The following HDAC6 variants were observed in gnomAD, a reference collection of about 807,000 sequenced individuals.
HDAC6 encodes protein deacetylase HDAC6.
Under a neutral mutation model 88.9 loss-of-function variants are expected in HDAC6, and 5 were observed. That is an observed-to-expected ratio of 0.06 (90% CI 0.03 to 0.12). The LOEUF (loss-of-function observed/expected upper bound fraction) is 0.12. HDAC6 is among the 10% of genes least tolerant of loss of function. The pLI is 1.00. For missense variants in HDAC6, 706 were observed against 1,014.4 expected (o/e 0.70, Z 4.13); for synonymous variants, 378 against 398.0 (o/e 0.95, Z 0.60).
Position 48,802,681 on chromosome X carries a change from G to T in HDAC6, c.-12G>T, listed in dbSNP as rs1848211091. The T allele has an allele frequency of 8.3e-7, 1 of 1,201,580 alleles. No individual in the cohort carries two copies. The highest frequency in any genetic ancestry group is 1.1e-6 in the Non-Finnish European group (1 of 890,522). Reference sequence around the variant, plus strand: ...CCCCCAGAACCGCGGCAGGGGCCAAGCCTCCTCAACTATGACCTCAACCGG... The same window carrying T: ...CCCCCAGAACCGCGGCAGGGGCCAATCCTCCTCAACTATGACCTCAACCGG... On this transcript the variant is annotated 5_prime_UTR_variant, in exon 2 of 29. Transcript: ENST00000334136.
In HDAC6 at chrX:48,824,305, G is replaced by A; in HGVS notation, c.3579+11G>A. On this transcript the variant is annotated intron_variant, in intron 28 of 28. Transcript: ENST00000334136. ...TATGTCCACCACCAGGTGGGCCCTG[G>A]GTAGACCCTTCGACACGTGCACACT... is the stretch of plus-strand genomic sequence containing the variant. 1 of 1,205,159 alleles carries A rather than the reference G, an allele frequency of 8.3e-7. No individual in the cohort carries two copies. Among genetic ancestry groups the A allele is most frequent in the South Asian group, 1.8e-5 (1 of 55,588 alleles).
rs781865210 is a variant in HDAC6, at chrX:48,805,443, C to G, written c.317C>G (p.Pro106Arg). ...EFHCLWDDSFPEGPERLHAIK... is the reference protein window; with the variant it reads ...EFHCLWDDSFREGPERLHAIK... The stretch of plus-strand genomic sequence containing the variant: ...CTGTGACTCCATCTCCCCAGCTTCC[C>G]GGAAGGCCCTGAGCGGCTCCATGCC... The change falls in exon 5 of 29, where the codon CCG becomes CGG. Residue 106 changes from proline to arginine, a missense_variant. Transcript: ENST00000334136. The G allele has an allele frequency of 2.5e-6, 3 of 1,206,698 alleles. No individual in the cohort carries two copies. In the South Asian group the frequency reaches 5.3e-5, roughly 21 times the overall value.
chrX:48,818,053 G>A lies in HDAC6; in HGVS notation c.1938G>A (p.Val646=), dbSNP rs782621164. ...GTCTCCTCCCCAGGATCCTGATTGT[G>A]GATTGGGATGTCCACCACGGTAATG... The part of the protein sequence containing the change: ...ISGHALRILI[V]DWDVHHGNGT... The change falls in exon 21 of 29, where the codon GTG becomes GTA. Residue 646 remains valine, a synonymous_variant. Transcript: ENST00000334136. The A allele has an allele frequency of 5.9e-5, 71 of 1,195,785 alleles. No homozygotes were observed. Among genetic ancestry groups the A allele is most frequent in the Non-Finnish European group, 7.8e-5 (69 of 888,030 alleles).
chrX:48,815,403 C>CCTTCAG lies in HDAC6; in HGVS notation c.1170_1171insTTCAGC (p.Ala390_Leu391insPheSer). On this transcript the variant is annotated inframe_insertion, in exon 15 of 29. Coordinates refer to ENST00000334136, the MANE Select transcript of HDAC6 (RefSeq NM_006044.4). The stretch of plus-strand genomic sequence containing the variant: ...CCCCAGGGTGGCTACAACCTCCGCG[C>CCTTCAG]CCTGGCTGAAGGCGTCAGTGCTTCG... 2.5e-6 allele frequency: 3 copies of CCTTCAG among 1,203,782 alleles called. No homozygotes were observed. Among genetic ancestry groups the CCTTCAG allele is most frequent in the Non-Finnish European group, 3.4e-6 (3 of 891,143 alleles).
In HDAC6 at chrX:48,811,566, C is replaced by T. The variant is rs189565038; in HGVS notation, c.807-2874C>T. Among the ~76,000 whole-genome samples, 629 of 112,106 alleles carry T rather than the reference C, an allele frequency of 5.6e-3. 1 individual carries two copies. Among genetic ancestry groups the T allele is most frequent in the Non-Finnish European group, 7.7e-3 (409 of 53,203 alleles). On this transcript the variant is annotated intron_variant, in intron 10 of 28. Transcript: ENST00000334136. The stretch of plus-strand genomic sequence containing the variant: ...AATGGGGACAGGGAATGTCCACTGA[C>T]AGGTTGCAACTTTAGCGAGTGTGGG...
At position 48,815,015 on chromosome X, in the gene HDAC6, G is replaced by T; in HGVS notation, c.1113G>T (p.Met371Ile). The T allele has an allele frequency of 8.3e-7, 1 of 1,204,503 alleles. No individual in the cohort carries two copies. The highest frequency in any genetic ancestry group is 3.0e-5 in the East Asian group (1 of 33,626). Residue 371 changes from methionine to isoleucine, a missense_variant, in exon 14 of 29, where the codon ATG (methionine) becomes ATT (isoleucine). Transcript: ENST00000334136. Reference sequence around the variant, plus strand: ...TCGCCCAGCTAACCCACCTGCTCATGGGTCTGGCAGGAGGCAAGCTGATCC... The same window carrying T: ...TCGCCCAGCTAACCCACCTGCTCATTGGTCTGGCAGGAGGCAAGCTGATCC... Reference protein sequence around the residue: ...AGFAQLTHLLMGLAGGKLILS... With the variant: ...AGFAQLTHLLIGLAGGKLILS...
At chrX:48,806,863 A>G (rs1301234378) in intron 8 of HDAC6, 157 bp downstream of exon 8, 11 of 393,063 alleles carry the variant, frequency 2.8e-5, no homozygotes, top group Middle Eastern at 6.6e-4. Flanking sequence ...TGTCACCCAG[A>G]CACCTGCCTC....
chrX:48,813,333 C>T (rs1435847599), intron 10 of HDAC6: 2 of 112,514 alleles, frequency 1.8e-5, no homozygotes, highest in Admixed American at 9.4e-5. Flanking sequence ...ACCTACTCAA[C>T]ACCAGAGCTT....
intron 23 of HDAC6, among the ~76,000 whole-genome samples, chrX:48,822,380 T>C (rs2063097917): frequency 8.9e-6 from 1 of 112,118 alleles, no homozygotes; most frequent in Non-Finnish European, 1.9e-5. Flanking sequence ...TTACTAATGC[T>C]TTTATCAGTA....
At chrX:48,817,718 A>G (rs1557028120) in intron 20 of HDAC6, 1 of 411,943 alleles carries the variant, frequency 2.4e-6, no homozygotes, top group African/African-American at 2.5e-5. Context: ...TCTGGCCTAT[A>G]GCAGCTGCCT....
In HDAC6 at chrX:48,824,139, A is replaced by C. The variant is rs782599847; in HGVS notation, c.3451-27A>C. On this transcript the variant is annotated intron_variant, in intron 27 of 28. Coordinates refer to ENST00000334136, the MANE Select transcript of HDAC6 (RefSeq NM_006044.4). ...AAACTGCAGGGGGATGCTGACCCCC[A>C]CCTGACACTCACACCCCCAACCTCA... 2.4e-4 allele frequency: 284 copies of C among 1,203,319 alleles called. 1 individual carries two copies. Among genetic ancestry groups the C allele is most frequent in the Non-Finnish European group, 3.0e-4 (269 of 891,239 alleles).
Position 48,817,471 on chromosome X carries a change from C to T in HDAC6, c.1925+12C>T. Reference sequence around the variant, plus strand: ...GGGCATGCCCTACGGTAAGGACTCCCTGGGGACCCCCCAAATCCTGATCCT... The same window carrying T: ...GGGCATGCCCTACGGTAAGGACTCCTTGGGGACCCCCCAAATCCTGATCCT... On this transcript the variant is annotated intron_variant, in intron 20 of 28. Transcript: ENST00000334136. The T allele has an allele frequency of 1.7e-6, 2 of 1,202,583 alleles. No individual in the cohort carries two copies. Among genetic ancestry groups the T allele is most frequent in the East Asian group, 3.0e-5 (1 of 33,697 alleles).
At chrX:48,817,620 G>T (rs1484615101) in intron 20 of HDAC6, 161 bp downstream of exon 20, 5 of 470,963 alleles carry the variant, frequency 1.1e-5, no homozygotes, top group Non-Finnish European at 1.7e-5. Flanking sequence ...ACCGAGGATG[G>T]AGCCTCTCAG....
At chrX:48,817,513 C>T in intron 20 of HDAC6, 54 bp downstream of exon 20, 2 of 1,089,727 alleles carry the variant, frequency 1.8e-6, no homozygotes, top group Non-Finnish European at 1.2e-6. Context: ...GACCTGGATG[C>T]TCCCCCCAGC....
At chrX:48,809,154 A>C (rs1343662636) in intron 10 of HDAC6, among the ~76,000 whole-genome samples, 1 of 111,762 alleles carries the variant, frequency 8.9e-6, no homozygotes, top group Non-Finnish European at 1.9e-5. Context: ...GTAATTCTGC[A>C]CTTCTCTGAG....
chrX:48,804,477 C>T (rs2062780953), intron 4 of HDAC6, among the ~76,000 whole-genome samples: 1 of 112,360 alleles, frequency 8.9e-6, no homozygotes, highest in Non-Finnish European at 1.9e-5. Context: ...CAAACCCTAC[C>T]CCAATACCTG....
At chrX:48,819,953 C>G in intron 22 of HDAC6, 153 bp from the exon 23 acceptor site, 1 of 551,878 alleles carries the variant, frequency 1.8e-6, no homozygotes, top group Non-Finnish European at 3.2e-6. Context: ...GCTTTTGTGT[C>G]TCCTAGTCTC....
intron 23 of HDAC6, 117 bp from the exon 24 acceptor site, chrX:48,822,503 C>A: frequency 1.9e-6 from 1 of 526,125 alleles, no homozygotes; most frequent in Non-Finnish European, 3.1e-6. Flanking sequence ...AGTACTCCCC[C>A]TCCCTCTCCA....
At position 48,806,668 on chromosome X, in the gene HDAC6, C is replaced by T; in HGVS notation, c.594C>T (p.Val198=). 2 of 1,208,762 alleles carry T rather than the reference C, an allele frequency of 1.7e-6. No individual in the cohort carries two copies. The highest frequency in any genetic ancestry group is 2.2e-6 in the Non-Finnish European group (2 of 893,004). ...SGSVLRLVDA[V]LGAEIRNGMA... ...CTGTCCTCAGGCTGGTGGATGCGGT[C>T]CTGGGGGCTGAGATCCGGAATGGCA... is the stretch of plus-strand genomic sequence containing the variant. Residue 198 remains valine, a synonymous_variant, in exon 8 of 29, where the codon GTC becomes GTT. Coordinates refer to ENST00000334136, the MANE Select transcript of HDAC6 (RefSeq NM_006044.4).
Sources: allele counts gnomAD v4.1 joint callset (sites outside exome capture counted in the v4.1 genomes callset), GRCh38; gene constraint gnomAD v4.1.1; transcripts MANE v1.5; gene names NCBI Gene and HGNC (gene_info 2026-07-23, HGNC 2026-07-21).